TSC22D2: variants seen among roughly 807,000 people sequenced by gnomAD.
TSC22D2 encodes TSC22 domain family member 2.
In TSC22D2, 5 loss-of-function variants were observed where a neutral mutation model predicts 50.1. The ratio of observed to expected loss-of-function variants is 0.10; its 90% CI spans 0.05 to 0.21. The LOEUF (loss-of-function observed/expected upper bound fraction) is 0.21, where lower values mean the gene tolerates loss of function less well. Among genes scored for constraint, TSC22D2 ranks in the 10% least tolerant of loss-of-function variants. TSC22D2 has a pLI of 1.00. For missense variants in TSC22D2, 1,003 were observed against 1,015.5 expected (o/e 0.99, Z 0.17); for synonymous variants, 501 against 450.1 (o/e 1.11, Z -1.43).
At chr3:150,414,154 A>G (rs537201887) in intron 1 of TSC22D2, among the ~76,000 whole-genome samples, 1 of 152,354 alleles carries the variant, frequency 6.6e-6, no homozygotes, top group African/African-American at 2.4e-5. Flanking sequence ...GTTCTCAATT[A>G]GCATTGCCTA....
chr3:150,414,204 T>C (rs1032961656), intron 1 of TSC22D2, among the ~76,000 whole-genome samples: 1 of 152,258 alleles, frequency 6.6e-6, no homozygotes, highest in Non-Finnish European at 1.5e-5. Context: ...TTTATCTTTC[T>C]GGCCATTTTC....
chr3:150,451,324 C>G (rs1176069729), intron 1 of TSC22D2, among the ~76,000 whole-genome samples: 2 of 152,272 alleles, frequency 1.3e-5, no homozygotes, highest in African/African-American at 2.4e-5. Context: ...CATTTTCGTT[C>G]TTAGCAATTA....
At chr3:150,428,989 C>T (rs1720288597) in intron 1 of TSC22D2, among the ~76,000 whole-genome samples, 1 of 151,964 alleles carries the variant, frequency 6.6e-6, no homozygotes, top group South Asian at 2.1e-4. Flanking sequence ...GTTTTATTTC[C>T]CCAACTTTTC....
chr3:150,409,538 G>A lies in TSC22D2; in HGVS notation c.188G>A (p.Cys63Tyr). The A allele has an allele frequency of 6.2e-7, 1 of 1,606,518 alleles. No homozygotes were observed. The highest frequency in any genetic ancestry group is 8.5e-7 in the Non-Finnish European group (1 of 1,174,186). Residue 63 changes from cysteine (C) to tyrosine (Y), a missense_variant, in exon 1 of 3, where the codon TGC becomes TAC. Around this residue, in one of 6 missense-constraint regions of TSC22D2, gnomAD observed 200 missense variants for 182.8 expected, o/e 1.09. Coordinates refer to ENST00000688009, the MANE Select transcript of TSC22D2 (RefSeq NM_001303264.2). This position sits in a 1 kb window ranked among gnomAD's most constrained non-coding sequence, Gnocchi z 7.4. ...ACGGATTATGGCCCTGAGGAGGTCT[G>A]CGAGCGCAGCTCTTCCGAAGAGACG... ...RATDYGPEEV[C>Y]ERSSSEETLN... is the part of the protein sequence containing the mutation.
intron 1 of TSC22D2, among the ~76,000 whole-genome samples, chr3:150,414,005 G>A (rs1252362466): frequency 6.6e-6 from 1 of 152,108 alleles, no homozygotes; most frequent in Non-Finnish European, 1.5e-5. Flanking sequence ...CTTATCTTGA[G>A]ATTTTGGTTC....
In TSC22D2 at chr3:150,462,789, A is replaced by T; in HGVS notation, c.*4153A>T. 1 of 152,140 alleles carries T rather than the reference A, an allele frequency of 6.6e-6. No individual in the cohort carries two copies. The highest frequency in any genetic ancestry group is 1.5e-5 in the Non-Finnish European group (1 of 68,134). 9.4% of individuals were successfully genotyped at this position (152,140 alleles called of 1,614,324 possible). A position where few individuals can be genotyped will look rare whatever the true frequency, so the allele number is the denominator to read the frequency against. ...GCTGGGATTACAGGCGTGTGCCACCATGCCAGGCTAATTTTTGTATTTTTA... is the reference window on the plus strand; with the variant it reads ...GCTGGGATTACAGGCGTGTGCCACCTTGCCAGGCTAATTTTTGTATTTTTA... On this transcript the variant is annotated 3_prime_UTR_variant, in exon 3 of 3. Transcript: ENST00000688009.
intron 1 of TSC22D2, chr3:150,422,947 T>G (rs1455786015): frequency 1.3e-6 from 1 of 770,520 alleles, no homozygotes; most frequent in Non-Finnish European, 2.1e-6. Flanking sequence ...TATTAAAAGT[T>G]ACACTGTATT....
At chr3:150,424,870 A>G (rs1188586371) in intron 1 of TSC22D2, among the ~76,000 whole-genome samples, 1 of 152,332 alleles carries the variant, frequency 6.6e-6, no homozygotes, top group South Asian at 2.1e-4. Context: ...GGCCAACCCA[A>G]TGGAAACTGA....
intron 1 of TSC22D2, among the ~76,000 whole-genome samples, chr3:150,419,050 T>C (rs1687914346): frequency 1.3e-5 from 2 of 152,142 alleles, no homozygotes; most frequent in Admixed American, 1.3e-4. Flanking sequence ...TCTACCAAAA[T>C]TTGATTTATA....
Position 150,410,565 on chromosome 3 carries a change from C to A in TSC22D2, c.1215C>A (p.Pro405=). 1 of 1,552,194 alleles carries A rather than the reference C, an allele frequency of 6.4e-7. No homozygotes were observed. The highest frequency in any genetic ancestry group is 8.7e-7 in the Non-Finnish European group (1 of 1,150,940). Residue 405 remains proline, a synonymous_variant, in exon 1 of 3, where the codon CCC becomes CCA. Transcript: ENST00000688009. ...CGTCCACCGGCGCCGCAGCGAGCCC[C>A]GCCACGGCGGCCACCCTTCCCGTGG... ...QPSSTGAAAS[P]ATAATLPVGT... is the part of the protein sequence containing the mutation.
chr3:150,464,996 T>A lies in TSC22D2; in HGVS notation c.*6360T>A, dbSNP rs1721513406. The A allele has an allele frequency of 6.6e-6, 1 of 152,178 alleles. No homozygotes were observed. The allele number at this position is 152,178 out of a possible 1,614,324, so 9.4% of individuals were successfully genotyped here. A position where few individuals can be genotyped will look rare whatever the true frequency, so the allele number is the denominator to read the frequency against. ...ACCATTTAATGAACCAAGTTAAGAA[T>A]AACTCAGGTGACTGATACCAAAAAT... On this transcript the variant is annotated 3_prime_UTR_variant, in exon 3 of 3. Transcript: ENST00000688009.
intron 1 of TSC22D2, among the ~76,000 whole-genome samples, chr3:150,411,739 G>T (rs1719579662): frequency 6.8e-6 from 1 of 146,278 alleles, no homozygotes; most frequent in Non-Finnish European, 1.5e-5. Flanking sequence ...AAACCAGAAG[G>T]TCCTCTAGTG....
At position 150,458,487 on chromosome 3, in the gene TSC22D2, C is replaced by G; in HGVS notation, c.2122C>G (p.Leu708Val). Residue 708 changes from leucine (L) to valine (V), a missense_variant, in exon 3 of 3, where the codon CTG becomes GTG. By Grantham distance (32) the Leu-to-Val change is conservative. Transcript: ENST00000688009. ...RNSLLERENA[L>V]LKSLSSNDQL... ...CTCTTTACTTGAACGAGAAAATGCACTGTTAAAATCTCTTTCAAGCAATGA... is the reference window on the plus strand; with the variant it reads ...CTCTTTACTTGAACGAGAAAATGCAGTGTTAAAATCTCTTTCAAGCAATGA... The G allele has an allele frequency of 6.2e-7, 1 of 1,614,096 alleles. No homozygotes were observed. Among genetic ancestry groups the G allele is most frequent in the Non-Finnish European group, 8.5e-7 (1 of 1,180,008 alleles).
chr3:150,443,116 A>G (rs1045284251), intron 1 of TSC22D2, among the ~76,000 whole-genome samples: 3 of 152,200 alleles, frequency 2.0e-5, no homozygotes, highest in African/African-American at 7.2e-5. Flanking sequence ...GATCATGTCT[A>G]CAGTGTTCCT....
rs1337795178 is a variant in TSC22D2 at position 150,459,687 on chromosome 3, A to G, written c.*1051A>G. On this transcript the variant is annotated 3_prime_UTR_variant, in exon 3 of 3. Coordinates refer to ENST00000688009, the MANE Select transcript of TSC22D2 (RefSeq NM_001303264.2). ...GTCTAGCATGATCTGCATGACCTATAATCTTTGAACCACTTTCGTACCTCA... is the reference window on the plus strand; with the variant it reads ...GTCTAGCATGATCTGCATGACCTATGATCTTTGAACCACTTTCGTACCTCA... 1 of 149,710 alleles carries G rather than the reference A, an allele frequency of 6.7e-6. No homozygotes were observed. Among genetic ancestry groups the G allele is most frequent in the Non-Finnish European group, 1.5e-5 (1 of 67,604 alleles). The allele number at this position is 149,710 out of a possible 1,614,324, so 9.3% of individuals were successfully genotyped here.
At chr3:150,423,889 C>T (rs1227779073) in intron 1 of TSC22D2, among the ~76,000 whole-genome samples, 2 of 152,092 alleles carry the variant, frequency 1.3e-5, no homozygotes, top group African/African-American at 4.8e-5. Context: ...TCACACAAAG[C>T]TCGTTAGATT....
chr3:150,456,986 A>T, intron 1 of TSC22D2, 90 bp from the exon 2 acceptor site: 1 of 1,152,854 alleles, frequency 8.7e-7, no homozygotes, highest in Non-Finnish European at 1.3e-6. Context: ...ATTTGGTTTT[A>T]AGTGAAACAC....
At chr3:150,424,284 T>G (rs1349398626) in intron 1 of TSC22D2, among the ~76,000 whole-genome samples, 1 of 152,184 alleles carries the variant, frequency 6.6e-6, no homozygotes, top group East Asian at 1.9e-4. Flanking sequence ...CATGAAGGTT[T>G]AATCTTTCAA....
chr3:150,428,605 A>AAC (rs1251315089), intron 1 of TSC22D2, among the ~76,000 whole-genome samples: 4 of 147,212 alleles, frequency 2.7e-5, no homozygotes, highest in Non-Finnish European at 4.6e-5. Context: ...AAAAAAAAAA[A>AAC]AAAACATACT....
Sources: allele counts gnomAD v4.1 joint callset (sites outside exome capture counted in the v4.1 genomes callset), GRCh38; gene constraint gnomAD v4.1.1; regional missense constraint gnomAD v4.1.1; non-coding constraint Gnocchi (gnomAD v3.1); transcripts MANE v1.5; gene names NCBI Gene and HGNC (gene_info 2026-07-23, HGNC 2026-07-21).